The following MYO5C variants were observed in gnomAD, a reference collection of about 807,000 sequenced individuals.
MYO5C encodes the protein unconventional myosin-Vc.
A neutral mutation model predicts 235.7 loss-of-function variants in MYO5C; 194 were observed. The ratio of observed to expected loss-of-function variants is 0.82; its 90% confidence interval spans 0.73 to 0.93. The LOEUF (loss-of-function observed/expected upper bound fraction) is 0.93. Ranked by LOEUF, MYO5C falls within the 40% of genes least tolerant of loss-of-function variation. The pLI is 0.00. For synonymous variants in MYO5C, 707 were observed against 754.8 expected (o/e 0.94, Z 1.04); for missense variants, 2,038 against 2,127.2 (o/e 0.96, Z 0.82).
intron 2 of MYO5C, 104 bp downstream of exon 2, chr15:52,282,678 C>T: frequency 1.3e-6 from 1 of 784,914 alleles, no homozygotes; most frequent in Non-Finnish European, 2.2e-6. Context: ...ACTCGTGCGC[C>T]CTCCCCTGGG....
At chr15:52,210,068 A>G (rs902055492) in intron 35 of MYO5C, among the ~76,000 whole-genome samples, 3 of 152,030 alleles carry the variant, frequency 2.0e-5, no homozygotes, top group Non-Finnish European at 4.4e-5. Flanking sequence ...GGCTCAAGTG[A>G]TCTTCCCACC....
chr15:52,247,599 G>T lies in MYO5C; in HGVS notation c.1747-7C>A. ...AGTTGGCACAGAGATGAAACTGGAA[G>T]GAACAGAGAGGATCTCAATGTCCAA... On this transcript the variant is annotated splice_region_variant and splice_polypyrimidine_tract_variant and intron_variant, in intron 14 of 40. Coordinates refer to ENST00000261839, the MANE Select transcript of MYO5C (RefSeq NM_018728.4). The T allele has an allele frequency of 6.2e-7, 1 of 1,613,608 alleles. No individual in the cohort carries two copies. Among genetic ancestry groups the T allele is most frequent in the Non-Finnish European group, 8.5e-7 (1 of 1,179,816 alleles).
intron 1 of MYO5C, among the ~76,000 whole-genome samples, chr15:52,285,769 T>C (rs1046063401): frequency 1.3e-5 from 2 of 152,214 alleles, no homozygotes; most frequent in African/African-American, 4.8e-5. Context: ...GTTCACTCAG[T>C]GCTCAATGGT....
chr15:52,286,350 C>A (rs1259260002), intron 1 of MYO5C, among the ~76,000 whole-genome samples: 1 of 149,680 alleles, frequency 6.7e-6, no homozygotes, highest in Non-Finnish European at 1.5e-5. Context: ...CCAGCCGCCC[C>A]GTCCGGGAGG....
chr15:52,282,781 C>A lies in MYO5C; in HGVS notation c.138+1G>T. On this transcript the variant is annotated splice_donor_variant, in intron 2 of 40. Coordinates refer to ENST00000261839, the MANE Select transcript of MYO5C (RefSeq NM_018728.4). LOFTEE classifies it high-confidence loss of function. The stretch of plus-strand genomic sequence containing the variant: ...TAGCTGTGAACAGCAAGGACCCTCA[C>A]CGTTCCATCCTCCAGCAGGAGTCGC... 1 of 1,598,904 alleles carries A rather than the reference C, an allele frequency of 6.3e-7. No individual in the cohort carries two copies. Among genetic ancestry groups the A allele is most frequent in the Non-Finnish European group, 8.6e-7 (1 of 1,166,220 alleles).
At chr15:52,204,604 A>G (rs2035258502) in intron 38 of MYO5C, among the ~76,000 whole-genome samples, 1 of 152,142 alleles carries the variant, frequency 6.6e-6, no homozygotes, top group Non-Finnish European at 1.5e-5. Context: ...CTAGAGGGCC[A>G]GAATTTAAGA....
chr15:52,261,141 C>A lies in MYO5C; in HGVS notation c.1048-14G>T, dbSNP rs772180103. On this transcript the variant is annotated splice_polypyrimidine_tract_variant and intron_variant, in intron 9 of 40. Transcript: ENST00000261839. ...ACTGTCATCCTCCTTCAAAAACAAG[C>A]ACAAGCCCCGTCAGGTGGCCCAGCC... 1 of 1,611,882 alleles carries A rather than the reference C, an allele frequency of 6.2e-7. No individual in the cohort carries two copies. Among genetic ancestry groups the A allele is most frequent in the Non-Finnish European group, 8.5e-7 (1 of 1,178,878 alleles).
chr15:52,241,525 C>T (rs1174598862), intron 20 of MYO5C, among the ~76,000 whole-genome samples: 2 of 152,166 alleles, frequency 1.3e-5, no homozygotes, highest in Non-Finnish European at 2.9e-5. Context: ...TCCCACAGTG[C>T]TGGGATTACA....
intron 2 of MYO5C, 111 bp downstream of exon 2, chr15:52,282,671 C>T (rs576690692): frequency 6.8e-6 from 5 of 732,638 alleles, no homozygotes; most frequent in African/African-American, 3.4e-5. Context: ...GGTGCCCACT[C>T]GTGCGCCCTC....
intron 38 of MYO5C, among the ~76,000 whole-genome samples, chr15:52,200,809 C>G (rs1329471735): frequency 6.6e-6 from 1 of 151,736 alleles, no homozygotes; most frequent in African/African-American, 2.4e-5. Context: ...TGTAATGAAT[C>G]AAAAGATATA....
At chr15:52,277,890 G>A in intron 4 of MYO5C, 2 of 455,966 alleles carry the variant, frequency 4.4e-6, no homozygotes, top group Non-Finnish European at 8.8e-6. Flanking sequence ...TCAGAACCAG[G>A]AATGGGTGCC....
intron 8 of MYO5C, among the ~76,000 whole-genome samples, chr15:52,265,719 T>A (rs1280152106): frequency 6.6e-6 from 1 of 152,030 alleles, no homozygotes; most frequent in Non-Finnish European, 1.5e-5. Flanking sequence ...TTTGTAGAGA[T>A]GGGGTTTTGC....
At chr15:52,233,936 A>C (rs183467092) in intron 23 of MYO5C, among the ~76,000 whole-genome samples, 60 of 152,156 alleles carry the variant, frequency 3.9e-4, no homozygotes, top group African/African-American at 1.4e-3. Context: ...TTTAGCCAAC[A>C]GTTTAATAGT....
Position 52,245,981 on chromosome 15 carries a change from T to G in MYO5C, c.2041A>C (p.Ile681Leu). Residue 681 changes from isoleucine to leucine, a missense_variant, in exon 17 of 41, where the codon ATT becomes CTT. Transcript: ENST00000261839. Reference sequence around the variant, plus strand: ...CTGGAAGGGTAGCTCTGTGCACTAATGCGAATCGTTTCTAAAACGCCGCAG... The same window carrying G: ...CTGGAAGGGTAGCTCTGTGCACTAAGGCGAATCGTTTCTAAAACGCCGCAG... ...RACGVLETIR[I>L]SAQSYPSRWT... 2 of 1,614,200 alleles carry G rather than the reference T, an allele frequency of 1.2e-6. No homozygotes were observed. The highest frequency in any genetic ancestry group is 1.3e-5 in the African/African-American group (1 of 75,048).
rs1407256037 is a variant in MYO5C, at chr15:52,193,307, G to A, written c.*595C>T. 9.3e-5 allele frequency: 7 copies of A among 75,462 alleles called. No homozygotes were observed. Among genetic ancestry groups the A allele is most frequent in the African/African-American group, 2.3e-4 (6 of 26,266 alleles). 4.7% of individuals were successfully genotyped at this position (75,462 alleles called of 1,614,324 possible). A position where few individuals can be genotyped will look rare whatever the true frequency, so the allele number is the denominator to read the frequency against. ...CAGCCTGGCGATAGAGCGAGACTCC[G>A]GAGTCTCAAAAAAAAAAAAAAAAAA... On this transcript the variant is annotated 3_prime_UTR_variant, in exon 41 of 41. Coordinates refer to ENST00000261839, the MANE Select transcript of MYO5C (RefSeq NM_018728.4).
rs932132161 is a variant in MYO5C at position 52,208,789 on chromosome 15, A to G, written c.4297-146T>C. On this transcript the variant is annotated intron_variant, in intron 35 of 40. Transcript: ENST00000261839. ...TTTATCCAATTCATATTATACTTAT[A>G]AGAACTTATATTTATTTAATAGGTC... is the stretch of plus-strand genomic sequence containing the variant. 11 of 592,552 alleles carry G rather than the reference A, an allele frequency of 1.9e-5. No homozygotes were observed. The African/African-American group carries it at 1.9e-4, about 10-fold the overall frequency. The allele number at this position is 592,552 out of a possible 1,614,324, so 36.7% of individuals were successfully genotyped here.
intron 8 of MYO5C, among the ~76,000 whole-genome samples, chr15:52,267,174 C>T (rs1488170048): frequency 1.3e-5 from 2 of 152,180 alleles, no homozygotes; most frequent in African/African-American, 4.8e-5. Flanking sequence ...CTGCAAATTG[C>T]TGATCTCCAA....
chr15:52,231,363 A>T (rs561198615), intron 24 of MYO5C, among the ~76,000 whole-genome samples: 1 of 152,250 alleles, frequency 6.6e-6, no homozygotes, highest in East Asian at 1.9e-4. Context: ...GCCCTGACCC[A>T]GTTAGGATTG....
intron 8 of MYO5C, among the ~76,000 whole-genome samples, chr15:52,266,750 G>C (rs1194806421): frequency 2.0e-5 from 3 of 152,182 alleles, no homozygotes; most frequent in Non-Finnish European, 4.4e-5. Flanking sequence ...GCGTTCATGA[G>C]GCCATCTAGC....
Sources: gnomAD v4.1 joint callset for allele counts (sites outside exome capture counted in the v4.1 genomes callset) on GRCh38, gnomAD v4.1.1 for gene constraint, MANE v1.5 for transcripts, NCBI Gene and HGNC (gene_info 2026-07-23, HGNC 2026-07-21) for gene names.